TMEM176A: variants seen among roughly 807,000 people sequenced by gnomAD.
The protein encoded by TMEM176A is hepatocellular carcinoma-associated antigen 112.
Under a neutral mutation model 27.9 loss-of-function variants are expected in TMEM176A, and 20 were observed. That is an observed-to-expected ratio of 0.72 (90% CI 0.50 to 1.04). TMEM176A has a LOEUF of 1.04. Ranked by LOEUF, TMEM176A falls within the 50% of genes least tolerant of loss-of-function variation. The probability of loss-of-function intolerance (pLI) is 0.00; values close to 1 mark genes in which losing one functional copy is unlikely to be tolerated. For missense variants in TMEM176A, 252 were observed against 289.1 expected (o/e 0.87, Z 0.93); for synonymous variants, 125 against 118.0 (o/e 1.06, Z -0.38).
chr7:150,803,471 G>A lies in TMEM176A; in HGVS notation c.342+15G>A. 1.9e-6 allele frequency: 3 copies of A among 1,585,212 alleles called. No individual in the cohort carries two copies. Among genetic ancestry groups the A allele is most frequent in the Non-Finnish European group, 2.6e-6 (3 of 1,166,514 alleles). ...GTACATACTGGGTAAGTTCAGGGAA[G>A]GGCATGGGAGGGGACCAGGTTCAGG... On this transcript the variant is annotated intron_variant, in intron 4 of 6. Coordinates refer to ENST00000004103, the MANE Select transcript of TMEM176A (RefSeq NM_018487.3).
In TMEM176A at chr7:150,801,245, CT is replaced by C. The variant is rs1238126196; in HGVS notation, c.-15-290del. On this transcript the variant is annotated intron_variant, in intron 1 of 6. Coordinates refer to ENST00000004103, the MANE Select transcript of TMEM176A (RefSeq NM_018487.3). The stretch of plus-strand genomic sequence containing the variant: ...GGGTGAGGGGTCGAGGTGTGGGGCG[CT>C]GCTTGACCCAGACGCCAGGGCCCTG... 1.5e-5 allele frequency: 4 copies of C among 273,868 alleles called. No homozygotes were observed. In the East Asian group the frequency reaches 2.1e-4, roughly 14 times the overall value. 17.0% of individuals were successfully genotyped at this position (273,868 alleles called of 1,614,324 possible). A position where few individuals can be genotyped will look rare whatever the true frequency, so the allele number is the denominator to read the frequency against.
At chr7:150,802,370 G>A in intron 3 of TMEM176A, 45 bp downstream of exon 3, 1 of 1,531,898 alleles carries the variant, frequency 6.5e-7, no homozygotes, top group Admixed American at 1.7e-5. Flanking sequence ...AGAGGGGTGG[G>A]GCATTGCTCT....
Position 150,803,424 on chromosome 7 carries a change from T to G in TMEM176A, c.310T>G (p.Phe104Val), listed in dbSNP as rs1798857942. ...GGCTGTGCTGGCTGGAGCTGCTGCC[T>G]TCATTTACGAGAAACGGGGTGGTAC... ...AVAVLAGAAA[F>V]IYEKRGGTYW... Residue 104 changes from phenylalanine (F) to valine (V), a missense_variant, in exon 4 of 7, where the codon TTC becomes GTC. Coordinates refer to ENST00000004103, the MANE Select transcript of TMEM176A (RefSeq NM_018487.3). 6 of 1,594,970 alleles carry G rather than the reference T, an allele frequency of 3.8e-6. No homozygotes were observed. Among genetic ancestry groups the G allele is most frequent in the Non-Finnish European group, 5.1e-6 (6 of 1,171,686 alleles).
Position 150,802,039 on chromosome 7 carries a change from T to A in TMEM176A, c.175-176T>A, listed in dbSNP as rs1006651108. 1.3e-5 allele frequency: 8 copies of A among 616,684 alleles called. No individual in the cohort carries two copies. In the African/African-American group the frequency reaches 1.5e-4, roughly 12 times the overall value. 38.2% of individuals were successfully genotyped at this position (616,684 alleles called of 1,614,324 possible). The stretch of plus-strand genomic sequence containing the variant: ...CCTTCTCTTTTCTCCTCCTCCTGCC[T>A]CTTCTTCTTTCTCCTTCTCCTCCTC... On this transcript the variant is annotated intron_variant, in intron 2 of 6. Transcript: ENST00000004103.
intron 3 of TMEM176A, 168 bp from the exon 4 acceptor site, chr7:150,803,232 G>A: frequency 7.4e-7 from 1 of 1,357,332 alleles, no homozygotes; most frequent in Non-Finnish European, 9.5e-7. Flanking sequence ...TCAGGAGTTG[G>A]ATCCAGGCTC....
chr7:150,801,562 C>G lies in TMEM176A; in HGVS notation c.12C>G (p.Ala4=). ...CTGTGTCCCTGACAATGGGAACAGC[C>G]GACAGTGATGAGATGGCCCCGGAGG... The part of the protein sequence containing the change: MGT[A]DSDEMAPEAP... Residue 4 remains alanine (A), a synonymous_variant, in exon 2 of 7, where the codon GCC becomes GCG. Coordinates refer to ENST00000004103, the MANE Select transcript of TMEM176A (RefSeq NM_018487.3). 6.2e-7 allele frequency: 1 copy of G among 1,602,154 alleles called. No individual in the cohort carries two copies. The highest frequency in any genetic ancestry group is 1.1e-5 in the South Asian group (1 of 89,114).
At chr7:150,801,852 G>A in intron 2 of TMEM176A, 128 bp downstream of exon 2, 1 of 1,001,468 alleles carries the variant, frequency 1.0e-6, no homozygotes, top group Non-Finnish European at 1.4e-6. Flanking sequence ...TTAGCGATGT[G>A]ATTCTCTGGC....
At chr7:150,802,417 C>A in intron 3 of TMEM176A, 92 bp downstream of exon 3, 1 of 1,147,676 alleles carries the variant, frequency 8.7e-7, no homozygotes, top group Non-Finnish European at 1.3e-6. Context: ...CCACAGAATG[C>A]TGGCAGTCGG....
rs1359109406 is a variant in TMEM176A, at chr7:150,802,086, C to CTTCTCTTCTCTTCTCTTCTG, written c.175-110_175-109insGTTCTCTTCTCTTCTCTTCT. ...CCTCTTTCTTCTCCTTTTCTCTTCT[C>CTTCTCTTCTCTTCTCTTCTG]TTCTCTTCTCTTCTCTTCTTTCTTT... On this transcript the variant is annotated intron_variant, in intron 2 of 6. Transcript: ENST00000004103. 1.0e-5 allele frequency: 7 copies of CTTCTCTTCTCTTCTCTTCTG among 673,626 alleles called. No individual in the cohort carries two copies. The African/African-American group carries it at 1.3e-4, about 12-fold the overall frequency. The allele number at this position is 673,626 out of a possible 1,614,324, so 41.7% of individuals were successfully genotyped here.
rs778852179 is a variant in TMEM176A at position 150,804,907 on chromosome 7, AC to A, written c.*41del. ...GATTATTAGTGCCTGGTGCTTCTGCACCGGGCGTCCCTGCATCTGACTGCTG... is the reference window on the plus strand; with the variant it reads ...GATTATTAGTGCCTGGTGCTTCTGCACGGGCGTCCCTGCATCTGACTGCTG... On this transcript the variant is annotated 3_prime_UTR_variant, in exon 7 of 7. Transcript: ENST00000004103. 1.2e-6 allele frequency: 2 copies of A among 1,609,792 alleles called. No homozygotes were observed. The highest frequency in any genetic ancestry group is 4.5e-5 in the East Asian group (2 of 44,856).
At chr7:150,801,288 G>C (rs1414899013) in intron 1 of TMEM176A, 1 of 429,510 alleles carries the variant, frequency 2.3e-6, no homozygotes, top group Non-Finnish European at 4.1e-6. Flanking sequence ...GGATGAGGGG[G>C]ACAGAGCAGA....
intron 3 of TMEM176A, 100 bp from the exon 4 acceptor site, chr7:150,803,300 C>T: frequency 6.8e-7 from 1 of 1,462,180 alleles, no homozygotes. Context: ...AACCTCCCGC[C>T]CAAGCTGTGT....
In TMEM176A at chr7:150,800,883, G is replaced by A. The variant is rs1216541855; in HGVS notation, c.-16+55G>A. On this transcript the variant is annotated intron_variant, in intron 1 of 6. Transcript: ENST00000004103. ...CCGGGCCTCCTTCCGCACGCACCCCGAGCTGCCTCCGCACAGTTGGAGGAG... is the reference window on the plus strand; with the variant it reads ...CCGGGCCTCCTTCCGCACGCACCCCAAGCTGCCTCCGCACAGTTGGAGGAG... 5 of 984,714 alleles carry A rather than the reference G, an allele frequency of 5.1e-6. No homozygotes were observed. In the Admixed American group the frequency reaches 1.8e-4, roughly 36 times the overall value. The allele number at this position is 984,714 out of a possible 1,614,324, so 61.0% of individuals were successfully genotyped here.
Position 150,802,274 on chromosome 7 carries a change from C to A in TMEM176A, c.234C>A (p.Arg78=), listed in dbSNP as rs140770075. Residue 78 remains arginine, a synonymous_variant, in exon 3 of 7, where the codon CGC becomes CGA. Transcript: ENST00000004103. Reference sequence around the variant, plus strand: ...TCCTAGGAGGATTTTTCTACATCCGCGACTACACCCTCCTCGTCACCTCGG... The same window carrying A: ...TCCTAGGAGGATTTTTCTACATCCGAGACTACACCCTCCTCGTCACCTCGG... ...SAVLGGFFYI[R]DYTLLVTSGA... is the part of the protein sequence containing the mutation. 14 of 1,613,470 alleles carry A rather than the reference C, an allele frequency of 8.7e-6. No homozygotes were observed. The highest frequency in any genetic ancestry group is 1.2e-5 in the Non-Finnish European group (14 of 1,179,852).
intron 3 of TMEM176A, chr7:150,802,667 G>T (rs1798838762): frequency 9.6e-7 from 1 of 1,046,962 alleles, no homozygotes; most frequent in Non-Finnish European, 1.2e-6. Context: ...ATAGTATGTG[G>T]TCCCCCAGGA....
Position 150,801,542 on chromosome 7 carries a change from T to A in TMEM176A, c.-9T>A. On this transcript the variant is annotated 5_prime_UTR_variant, in exon 2 of 7. Transcript: ENST00000004103. ...GGTGCTCCCTTCCTCATAGACTGTG[T>A]CCCTGACAATGGGAACAGCCGACAG... is the stretch of plus-strand genomic sequence containing the variant. 2 of 1,588,606 alleles carry A rather than the reference T, an allele frequency of 1.3e-6. No individual in the cohort carries two copies. Among genetic ancestry groups the A allele is most frequent in the African/African-American group, 1.4e-5 (1 of 73,748 alleles).
At chr7:150,801,772 C>T in intron 2 of TMEM176A, 48 bp downstream of exon 2, 1 of 1,442,530 alleles carries the variant, frequency 6.9e-7, no homozygotes, top group Non-Finnish European at 9.1e-7. Context: ...AACTCCCCAC[C>T]TCCAGCCGCA....
chr7:150,804,007 T>TA (rs1343159844), intron 5 of TMEM176A, among the ~76,000 whole-genome samples, 175 bp downstream of exon 5: 1 of 152,220 alleles, frequency 6.6e-6, no homozygotes, highest in African/African-American at 2.4e-5. Flanking sequence ...TGTAGGGTGT[T>TA]ACAGACAAGT....
intron 2 of TMEM176A, 37 bp downstream of exon 2, chr7:150,801,761 G>C: frequency 2.1e-6 from 3 of 1,460,592 alleles, no homozygotes; most frequent in South Asian, 2.8e-5. Context: ...GCGGCGGGAG[G>C]AACTCCCCAC....
Sources: gnomAD v4.1 joint callset for allele counts (sites outside exome capture counted in the v4.1 genomes callset) on GRCh38, gnomAD v4.1.1 for gene constraint, MANE v1.5 for transcripts, NCBI Gene and HGNC (gene_info 2026-07-23, HGNC 2026-07-21) for gene names.